The following IPO11 variants were observed in gnomAD, a reference collection of about 807,000 sequenced individuals.
IPO11 encodes importin 11.
In IPO11, 66 loss-of-function variants were observed where a neutral mutation model predicts 143.2. The observed-to-expected ratio is 0.46, with a 90% CI of 0.38 to 0.57. The LOEUF is 0.57. IPO11 is among the 20% of genes least tolerant of loss of function. The pLI is 0.00. For synonymous variants in IPO11, 385 were observed against 377.8 expected (o/e 1.02, Z -0.22); for missense variants, 1,026 against 1,141.0 (o/e 0.90, Z 1.45).
intron 24 of IPO11, among the ~76,000 whole-genome samples, chr5:62,544,981 A>T (rs1165430462): frequency 6.6e-6 from 1 of 152,190 alleles, no homozygotes; most frequent in African/African-American, 2.4e-5. Context: ...TTCCATGCTC[A>T]TGGATAGGAA....
intron 28 of IPO11, among the ~76,000 whole-genome samples, chr5:62,598,317 A>G (rs537678200): frequency 2.0e-5 from 3 of 152,100 alleles, no homozygotes; most frequent in South Asian, 4.2e-4. Context: ...ATATAGGTCC[A>G]CTACAGAGAC....
In IPO11 at chr5:62,413,866, A is replaced by G. The variant is rs75590808; in HGVS notation, c.-7+937A>G. 7.3e-3 allele frequency among the ~76,000 whole-genome samples: 1,105 copies of G among 152,362 alleles called. 14 individuals carry two copies. Among genetic ancestry groups the G allele is most frequent in the African/African-American group, 0.025 (1,040 of 41,578 alleles). On this transcript the variant is annotated intron_variant, in intron 1 of 29. Coordinates refer to ENST00000325324, the MANE Select transcript of IPO11 (RefSeq NM_016338.5). ...AGATTAAGGGCAGGGTGACTCTTCTATAGGAGACATCCATTGCATGACACA... is the reference window on the plus strand; with the variant it reads ...AGATTAAGGGCAGGGTGACTCTTCTGTAGGAGACATCCATTGCATGACACA...
intron 29 of IPO11, among the ~76,000 whole-genome samples, chr5:62,606,845 G>T (rs1029117627): frequency 2.6e-5 from 4 of 152,188 alleles, no homozygotes; most frequent in Non-Finnish European, 5.9e-5. Context: ...TGGCAAGCTT[G>T]GCATCATAGT....
chr5:62,547,166 C>CA lies in IPO11; in HGVS notation c.2251-3194dup, dbSNP rs199524909. Among the ~76,000 whole-genome samples the CA allele has an allele frequency of 7.2e-3, 1,099 of 151,972 alleles. 14 individuals are homozygous for CA. The highest frequency in any genetic ancestry group is 0.025 in the African/African-American group (1,036 of 41,460). ...ACATCCCTGGTGGGATGTAACGTTACAAAAAAAGTAAGTTTGTAATTACAT... is the reference window on the plus strand; with the variant it reads ...ACATCCCTGGTGGGATGTAACGTTACAAAAAAAAGTAAGTTTGTAATTACAT... On this transcript the variant is annotated intron_variant, in intron 24 of 29. Coordinates refer to ENST00000325324, the MANE Select transcript of IPO11 (RefSeq NM_016338.5).
chr5:62,551,016 A>ATT (rs1743369101), intron 25 of IPO11, among the ~76,000 whole-genome samples: 2 of 94,190 alleles, frequency 2.1e-5, no homozygotes, highest in South Asian at 3.3e-4. Context: ...TTTTCTCTTT[A>ATT]TTGTATATAT....
chr5:62,612,987 C>A (rs1745982344), intron 29 of IPO11, among the ~76,000 whole-genome samples: 1 of 152,162 alleles, frequency 6.6e-6, no homozygotes, highest in African/African-American at 2.4e-5. Context: ...ATAGATTATA[C>A]CAAATTGCCA....
chr5:62,443,410 T>C (rs867202877), intron 3 of IPO11: 13 of 185,448 alleles, frequency 7.0e-5, no homozygotes, highest in South Asian at 2.9e-4. Context: ...TGTGTGTGTG[T>C]GTGTGTGTGT....
intron 24 of IPO11, among the ~76,000 whole-genome samples, chr5:62,542,698 C>T (rs963261483): frequency 1.3e-5 from 2 of 152,008 alleles, no homozygotes; most frequent in Non-Finnish European, 2.9e-5. Flanking sequence ...GCAAAGGATA[C>T]GCTTTACTTT....
Position 62,561,249 on chromosome 5 carries a change from T to G in IPO11, c.2574T>G (p.Ser858=). The G allele has an allele frequency of 6.5e-7, 1 of 1,549,320 alleles. No homozygotes were observed. Among genetic ancestry groups the G allele is most frequent in the Non-Finnish European group, 8.7e-7 (1 of 1,148,018 alleles). Residue 858 remains serine (S), a synonymous_variant, in exon 27 of 30, where the codon TCT becomes TCG. Transcript: ENST00000325324. ...TGGCTTTGCTCTCTCTTCTGCCATC[T>G]GATAATAGGTGAGGAAATGTTTTCT... is the stretch of plus-strand genomic sequence containing the variant. ...SALALLSLLP[S]DNSVIQDKFC...
intron 1 of IPO11, chr5:62,419,205 C>T (rs1743408790): frequency 6.8e-7 from 1 of 1,474,952 alleles, no homozygotes; most frequent in African/African-American, 1.4e-5. Flanking sequence ...AAAAATGGTA[C>T]ATCTGTACAG....
intron 18 of IPO11, 29 bp from the exon 19 acceptor site, chr5:62,506,212 T>A (rs751128133): frequency 7.9e-7 from 1 of 1,273,092 alleles, no homozygotes; most frequent in Non-Finnish European, 1.1e-6. Context: ...ATTATAAACC[T>A]TTTTTATTTT....
In IPO11 at chr5:62,536,754, C is replaced by T. The variant is rs1742747510; in HGVS notation, c.2142C>T (p.Ile714=). Residue 714 remains isoleucine, a synonymous_variant, in exon 23 of 30, where the codon ATC becomes ATT. Transcript: ENST00000325324. ...RTCFKIINGY[I]FLSSTEFLQT... The stretch of plus-strand genomic sequence containing the variant: ...GCTTTAAGATCATCAATGGTTATAT[C>T]TTTTTATCATCAACAGAATTTTTAC... 6.4e-7 allele frequency: 1 copy of T among 1,568,700 alleles called. No individual in the cohort carries two copies. Among genetic ancestry groups the T allele is most frequent in the Non-Finnish European group, 8.6e-7 (1 of 1,163,500 alleles).
intron 13 of IPO11, among the ~76,000 whole-genome samples, chr5:62,488,940 C>T (rs1746509212): frequency 6.6e-6 from 1 of 152,144 alleles, no homozygotes; most frequent in Non-Finnish European, 1.5e-5. Context: ...GAGGATGAGG[C>T]TGCAGTGAAC....
At chr5:62,567,885 C>T (rs963261821) in intron 27 of IPO11, among the ~76,000 whole-genome samples, 2 of 150,504 alleles carry the variant, frequency 1.3e-5, no homozygotes, top group Non-Finnish European at 3.0e-5. Flanking sequence ...TGATGCTGTC[C>T]CATAGATCTC....
chr5:62,525,024 A>G (rs575553945), intron 20 of IPO11, among the ~76,000 whole-genome samples: 1 of 152,346 alleles, frequency 6.6e-6, no homozygotes, highest in East Asian at 1.9e-4. Context: ...ACAGTAATTC[A>G]GCAAACTAGA....
At chr5:62,450,024 T>C (rs1227673767) in intron 4 of IPO11, 25 bp downstream of exon 4, 1 of 1,490,518 alleles carries the variant, frequency 6.7e-7, no homozygotes. Flanking sequence ...AATGCTAATT[T>C]TTCTTTTTAT....
intron 1 of IPO11, among the ~76,000 whole-genome samples, chr5:62,427,728 TC>T (rs568519942): frequency 7.4e-4 from 112 of 152,030 alleles, no homozygotes; most frequent in Middle Eastern, 3.4e-3. Flanking sequence ...CCAGAAACCA[TC>T]CCCCCCTGCC....
At chr5:62,540,834 T>A (rs1260706808) in intron 24 of IPO11, among the ~76,000 whole-genome samples, 1 of 152,226 alleles carries the variant, frequency 6.6e-6, no homozygotes, top group Non-Finnish European at 1.5e-5. Flanking sequence ...ATGTAATATA[T>A]AGCTGTCTCA....
chr5:62,585,276 TC>T lies in IPO11; in HGVS notation c.2583-6298del, dbSNP rs1744729248. 2.6e-5 allele frequency among the ~76,000 whole-genome samples: 4 copies of T among 152,342 alleles called. No individual in the cohort carries two copies. The South Asian group carries it at 8.3e-4, about 32-fold the overall frequency. On this transcript the variant is annotated intron_variant, in intron 27 of 29. Coordinates refer to ENST00000325324, the MANE Select transcript of IPO11 (RefSeq NM_016338.5). ...TTCCTCAAGCTTTGGCTTTCAAAAC[TC>T]CCTTATCCTCAGTTACCTGCTTCTC...
Sources: allele counts gnomAD v4.1 joint callset (sites outside exome capture counted in the v4.1 genomes callset), GRCh38; gene constraint gnomAD v4.1.1; transcripts MANE v1.5; gene names NCBI Gene and HGNC (gene_info 2026-07-23, HGNC 2026-07-21).